Variants in LARP1B observed in about 807,000 individuals in gnomAD.
The protein encoded by LARP1B is la-related protein 1B.
A neutral mutation model predicts 114.2 loss-of-function variants in LARP1B; 76 were observed. The observed-to-expected ratio is 0.67, with a 90% CI of 0.55 to 0.81. LARP1B has a LOEUF of 0.81. Ranked by LOEUF, LARP1B falls within the 30% of genes least tolerant of loss-of-function variation. LARP1B has a pLI of 0.00. For missense variants in LARP1B, 1,014 were observed against 1,075.8 expected (o/e 0.94, Z 0.80); for synonymous variants, 345 against 348.0 (o/e 0.99, Z 0.10).
At chr4:128,162,067 G>A (rs984467214) in intron 11 of LARP1B, 127 bp from the exon 12 acceptor site, 9 of 742,156 alleles carry the variant, frequency 1.2e-5, no homozygotes, top group African/African-American at 3.6e-5. Flanking sequence ...TTATTAGAAC[G>A]TCTTTTTCAC....
intron 4 of LARP1B, among the ~76,000 whole-genome samples, chr4:128,081,548 T>C (rs966582176): frequency 6.6e-6 from 1 of 152,084 alleles, no homozygotes; most frequent in Non-Finnish European, 1.5e-5. Context: ...GGAGTTCAGT[T>C]GTGTGTTTGG....
intron 7 of LARP1B, chr4:128,092,697 T>A: frequency 1.2e-6 from 1 of 867,860 alleles, no homozygotes. Flanking sequence ...GGCACCTTCC[T>A]GGGTTGCCTT....
At chr4:128,193,845 T>A (rs1753103110) in intron 15 of LARP1B, among the ~76,000 whole-genome samples, 1 of 152,202 alleles carries the variant, frequency 6.6e-6, no homozygotes, top group Non-Finnish European at 1.5e-5. Context: ...CGTGAATTCC[T>A]GACCTCAGGA....
chr4:128,221,012 G>A (rs886909408), intron 7 of LARP1B, among the ~76,000 whole-genome samples: 3 of 152,140 alleles, frequency 2.0e-5, no homozygotes, highest in African/African-American at 4.8e-5. Context: ...CCTGACTTTC[G>A]AACTCAACTG....
At chr4:128,155,540 A>T (rs1370919143) in intron 11 of LARP1B, 3 of 793,936 alleles carry the variant, frequency 3.8e-6, no homozygotes, top group Non-Finnish European at 6.9e-6. Context: ...GAGGAGCTGC[A>T]GTGGATGGTA....
At chr4:128,220,314 G>C (rs1050804357) in intron 6 of LARP1B, 6 of 814,650 alleles carry the variant, frequency 7.4e-6, no homozygotes, top group Non-Finnish European at 8.9e-6. Context: ...CTAATTTCTT[G>C]GCTTTTATGT....
intron 14 of LARP1B, 38 bp downstream of exon 14, chr4:128,178,680 G>A (rs750260527): frequency 1.4e-6 from 2 of 1,441,516 alleles, no homozygotes; most frequent in Non-Finnish European, 1.9e-6. Flanking sequence ...CTTGCATTTT[G>A]TATCCTTTAA....
chr4:128,107,524 T>G (rs11098950), intron 9 of LARP1B: 44 of 1,389,888 alleles, frequency 3.2e-5, no homozygotes, highest in Non-Finnish European at 4.0e-5. Flanking sequence ...AGCTGTCTTA[T>G]GTTTCTTGTT....
chr4:128,221,851 C>T (rs114921841), intron 7 of LARP1B, among the ~76,000 whole-genome samples: 254 of 152,286 alleles, frequency 1.7e-3, no homozygotes, highest in African/African-American at 5.9e-3. Flanking sequence ...CCTGGCCCCT[C>T]TCACTAAGTT....
At chr4:128,204,500 C>G (rs190561254) in intron 17 of LARP1B, among the ~76,000 whole-genome samples, 1 of 151,594 alleles carries the variant, frequency 6.6e-6, no homozygotes, top group Non-Finnish European at 1.5e-5. Flanking sequence ...ACTAAAAATA[C>G]AAAAATTAGC....
chr4:128,091,322 T>C (rs777047096), intron 6 of LARP1B, 25 bp from the exon 7 acceptor site: 3 of 1,588,046 alleles, frequency 1.9e-6, no homozygotes, highest in Non-Finnish European at 2.6e-6. Context: ...TGTGATTACC[T>C]TTCTTTTTCT....
intron 10 of LARP1B, among the ~76,000 whole-genome samples, chr4:128,116,867 T>C (rs985550404): frequency 6.6e-6 from 1 of 152,112 alleles, no homozygotes; most frequent in Admixed American, 6.6e-5. Context: ...TGTCATCTTA[T>C]GAAAGTCAGT....
intron 11 of LARP1B, among the ~76,000 whole-genome samples, chr4:128,143,385 T>C (rs1728880843): frequency 6.6e-6 from 1 of 152,248 alleles, no homozygotes. Context: ...TATAATAAAT[T>C]GACTCTGCCA....
chr4:128,103,804 C>T (rs61330448), intron 8 of LARP1B, among the ~76,000 whole-genome samples: 4,069 of 151,956 alleles, frequency 0.027, 168 homozygotes, highest in African/African-American at 0.093. Context: ...TCAGGTGATC[C>T]GCCCGTCTCG....
At position 128,158,310 on chromosome 4, in the gene LARP1B, A is replaced by G. The variant is rs188813113; in HGVS notation, c.1525-3884A>G. 3.1e-3 allele frequency among the ~76,000 whole-genome samples: 465 copies of G among 152,306 alleles called. 4 individuals are homozygous for G. The highest frequency in any genetic ancestry group is 0.011 in the African/African-American group (444 of 41,584). On this transcript the variant is annotated intron_variant, in intron 11 of 19. Transcript: ENST00000326639. ...TATACAAAATGTGAATGCAGTTTAG[A>G]AAAGTGAATTCCAGATGGATTATAG...
chr4:128,192,415 G>C (rs1561539525), intron 15 of LARP1B, among the ~76,000 whole-genome samples: 1 of 152,104 alleles, frequency 6.6e-6, no homozygotes, highest in East Asian at 1.9e-4. Context: ...AATATCATAA[G>C]TTGAAAATGC....
intron 12 of LARP1B, among the ~76,000 whole-genome samples, chr4:128,174,881 G>A (rs1162406514): frequency 6.6e-6 from 1 of 152,016 alleles, no homozygotes; most frequent in Non-Finnish European, 1.5e-5. Context: ...GCAATAATTT[G>A]TAATATCATC....
intron 11 of LARP1B, among the ~76,000 whole-genome samples, chr4:128,141,986 A>C (rs2150220529): frequency 6.6e-6 from 1 of 152,330 alleles, no homozygotes; most frequent in South Asian, 2.1e-4. Context: ...ATTTGGTATA[A>C]AGGTGGACAT....
intron 8 of LARP1B, among the ~76,000 whole-genome samples, chr4:128,098,550 T>TCCCCTC (rs1218654559): frequency 7.3e-5 from 11 of 150,992 alleles, no homozygotes; most frequent in African/African-American, 2.7e-4. Flanking sequence ...ATTTTCTCCT[T>TCCCCTC]CCCCTCCCCC....
Sources: allele counts gnomAD v4.1 joint callset (sites outside exome capture counted in the v4.1 genomes callset), GRCh38; gene constraint gnomAD v4.1.1; transcripts MANE v1.5; gene names NCBI Gene and HGNC (gene_info 2026-07-23, HGNC 2026-07-21).